PCLO: variants seen among roughly 807,000 people sequenced by gnomAD.
PCLO encodes piccolo presynaptic cytomatrix protein.
In PCLO, 82 loss-of-function variants were observed where a neutral mutation model predicts 427.5. That is an observed-to-expected ratio of 0.19 (90% confidence interval 0.16 to 0.23). The LOEUF (loss-of-function observed/expected upper bound fraction) is 0.23. Ranked by LOEUF, PCLO falls within the 10% of genes least tolerant of loss-of-function variation. PCLO has a pLI of 1.00. For missense variants in PCLO, 6,239 were observed against 6,115.9 expected (o/e 1.02, Z -0.67); for synonymous variants, 2,357 against 2,155.4 (o/e 1.09, Z -2.59).
At chr7:82,913,174 G>A (rs1794363336) in intron 7 of PCLO, among the ~76,000 whole-genome samples, 1 of 151,818 alleles carries the variant, frequency 6.6e-6, no homozygotes, top group South Asian at 2.1e-4. Context: ...AATAAAAATG[G>A]TCAATCCAAT....
intron 24 of PCLO, 48 bp from the exon 25 acceptor site, chr7:82,758,763 C>A (rs1344662209): frequency 1.8e-6 from 2 of 1,127,366 alleles, no homozygotes; most frequent in East Asian, 4.9e-5. Context: ...TACACATATA[C>A]ATGTGTATAG....
At position 82,915,619 on chromosome 7, in the gene PCLO, G is replaced by T. The variant is rs1157203663; in HGVS notation, c.12367C>A (p.Leu4123Ile). 16 of 1,613,488 alleles carry T rather than the reference G, an allele frequency of 9.9e-6. No homozygotes were observed. The highest frequency in any genetic ancestry group is 1.4e-5 in the Non-Finnish European group (16 of 1,179,668). ...TCCTGTTTAATCTGATGTTTCAGAA[G>T]CTTTAACTCGTAAGGATCCTCCATT... ...DPMEDPYELK[L>I]LKHQIKQEFR... The change falls in exon 7 of 25, where the codon CTT (leucine) becomes ATT (isoleucine). Residue 4123 changes from leucine to isoleucine, a missense_variant. Around this residue, in one of 5 missense-constraint regions of PCLO, gnomAD observed 680 missense variants for 677.3 expected, o/e 1.00. Coordinates refer to ENST00000333891, the MANE Select transcript of PCLO (RefSeq NM_033026.6).
At chr7:82,913,713 T>A (rs1263339155) in intron 7 of PCLO, among the ~76,000 whole-genome samples, 2 of 152,096 alleles carry the variant, frequency 1.3e-5, no homozygotes, top group Non-Finnish European at 2.9e-5. Context: ...AAAGCTACTT[T>A]AAATCAGTTT....
intron 3 of PCLO, among the ~76,000 whole-genome samples, chr7:83,025,402 G>GA (rs1426370873): frequency 6.7e-6 from 1 of 150,122 alleles, no homozygotes; most frequent in Non-Finnish European, 1.5e-5. Flanking sequence ...GAAGTTTAGA[G>GA]AAAAAAGAAT....
rs71096605 is a variant in PCLO, at chr7:82,866,655, TACACACACACACACAC to T, written c.13654+12666_13654+12681del. ...CTTCACTACTCTCAATGAAATTTTA[TACACACACACACACAC>T]ACACACACACACACACACACACACA... On this transcript the variant is annotated intron_variant, in intron 10 of 24. Coordinates refer to ENST00000333891, the MANE Select transcript of PCLO (RefSeq NM_033026.6). Among the ~76,000 whole-genome samples the T allele has an allele frequency of 7.0e-5, 10 of 143,194 alleles. No individual in the cohort carries two copies. The East Asian group carries it at 1.2e-3, about 18-fold the overall frequency. The allele number at this position is 143,194 out of a possible 152,430, so 93.9% of individuals were successfully genotyped here. A position where few individuals can be genotyped will look rare whatever the true frequency, so the allele number is the denominator to read the frequency against.
intron 3 of PCLO, among the ~76,000 whole-genome samples, chr7:83,085,859 T>C (rs1178208629): frequency 6.6e-6 from 1 of 152,202 alleles, no homozygotes; most frequent in Non-Finnish European, 1.5e-5. Flanking sequence ...TGTGGTATTA[T>C]AGTATTAAAA....
rs923465378 is a variant in PCLO, at chr7:82,826,455, G to T, written c.14415+134C>A. 6 of 553,486 alleles carry T rather than the reference G, an allele frequency of 1.1e-5. No homozygotes were observed. The Middle Eastern group carries it at 1.1e-3, about 100-fold the overall frequency. The allele number at this position is 553,486 out of a possible 1,614,324, so 34.3% of individuals were successfully genotyped here. ...TTAATCTACTCAAATAGTAAATCAG[G>T]AAATAAATTCTATCTGCCAGAAGAT... On this transcript the variant is annotated intron_variant, in intron 18 of 24. Transcript: ENST00000333891.
intron 3 of PCLO, among the ~76,000 whole-genome samples, chr7:83,121,013 CTA>C (rs1436012098): frequency 6.6e-6 from 1 of 152,014 alleles, no homozygotes; most frequent in Non-Finnish European, 1.5e-5. Flanking sequence ...ACAAAAGTAA[CTA>C]TAAAAACTTT....
chr7:83,066,887 TAAC>T (rs1789683452), intron 3 of PCLO, among the ~76,000 whole-genome samples: 1 of 152,224 alleles, frequency 6.6e-6, no homozygotes. Flanking sequence ...TACTGTAAAA[TAAC>T]AACACAGATT....
intron 3 of PCLO, among the ~76,000 whole-genome samples, chr7:83,115,125 T>C (rs1791099433): frequency 6.6e-6 from 1 of 152,004 alleles, no homozygotes; most frequent in South Asian, 2.1e-4. Flanking sequence ...GAATGCTATG[T>C]AAATAGAAAA....
intron 6 of PCLO, among the ~76,000 whole-genome samples, chr7:82,942,300 G>A (rs115206229): frequency 0.016 from 2,446 of 152,280 alleles, 63 homozygotes; most frequent in African/African-American, 0.056. Context: ...TAAGTCAGAC[G>A]TCTCCCATGT....
At chr7:82,944,422 T>C (rs1795154836) in intron 6 of PCLO, among the ~76,000 whole-genome samples, 1 of 151,840 alleles carries the variant, frequency 6.6e-6, no homozygotes, top group South Asian at 2.1e-4. Flanking sequence ...CAAAAACCCA[T>C]AAATTTTGGT....
Position 82,955,106 on chromosome 7 carries a change from C to G in PCLO, c.5847G>C (p.Gly1949=). 1 of 1,613,782 alleles carries G rather than the reference C, an allele frequency of 6.2e-7. No homozygotes were observed. The highest frequency in any genetic ancestry group is 1.3e-5 in the African/African-American group (1 of 75,018). Residue 1949 remains glycine (G), a synonymous_variant, in exon 5 of 25, where the codon GGG becomes GGC. Transcript: ENST00000333891. ...EVFEKEPLYG[G]MLIEDYIYES... is the part of the protein sequence containing the mutation. ...CATAAATATAATCCTCTATTAGCAT[C>G]CCACCATACAAAGGCTCTTTTTCAA...
chr7:83,091,099 A>C (rs2116438794), intron 3 of PCLO, among the ~76,000 whole-genome samples: 1 of 152,312 alleles, frequency 6.6e-6, no homozygotes, highest in Non-Finnish European at 1.5e-5. Flanking sequence ...TTTTAAAAAC[A>C]TAGAGCCTTC....
intron 22 of PCLO, among the ~76,000 whole-genome samples, chr7:82,800,110 G>A (rs772069643): frequency 2.6e-5 from 4 of 152,118 alleles, no homozygotes; most frequent in Non-Finnish European, 5.9e-5. Flanking sequence ...GTGGAACCCT[G>A]AAGTATATAG....
chr7:83,118,700 T>C (rs958714423), intron 3 of PCLO, among the ~76,000 whole-genome samples: 2 of 152,178 alleles, frequency 1.3e-5, no homozygotes, highest in Non-Finnish European at 2.9e-5. Context: ...CAGTAGGAAC[T>C]TGAGTTCTTA....
intron 6 of PCLO, among the ~76,000 whole-genome samples, chr7:82,925,713 C>CTTTTTTTTTTTTTTTTTTTTTT (rs34017885): frequency 1.3e-5 from 1 of 79,012 alleles, no homozygotes; most frequent in African/African-American, 4.8e-5. Context: ...ATTTTTGTTG[C>CTTTTTTTTTTTTTTTTTTTTTT]TTTTTTTTTT....
chr7:83,149,202 T>A (rs78363679), intron 2 of PCLO, among the ~76,000 whole-genome samples: 2,074 of 152,260 alleles, frequency 0.014, 68 homozygotes, highest in African/African-American at 0.047. Context: ...ATTGTCCTTT[T>A]GTTCCTACTG....
chr7:82,819,277 C>A (rs942233797), intron 20 of PCLO, among the ~76,000 whole-genome samples: 1 of 151,720 alleles, frequency 6.6e-6, no homozygotes, highest in African/African-American at 2.4e-5. Flanking sequence ...CTAAGTCAAT[C>A]ACAAGACTAA....
Sources: allele counts gnomAD v4.1 joint callset (sites outside exome capture counted in the v4.1 genomes callset), GRCh38; gene constraint gnomAD v4.1.1; regional missense constraint gnomAD v4.1.1; transcripts MANE v1.5; gene names NCBI Gene and HGNC (gene_info 2026-07-23, HGNC 2026-07-21).